Variants in THRAP3 observed in about 807,000 individuals in gnomAD.
THRAP3 encodes the protein thyroid hormone receptor associated protein 3.
Under a neutral mutation model 101.0 loss-of-function variants are expected in THRAP3, and 16 were observed. The observed-to-expected ratio is 0.16, with a 90% CI of 0.11 to 0.24. The LOEUF (loss-of-function observed/expected upper bound fraction) is 0.24, where lower values mean the gene tolerates loss of function less well. Ranked by LOEUF, THRAP3 falls within the 10% of genes least tolerant of loss-of-function variation. THRAP3 has a pLI of 1.00. For missense variants in THRAP3, 989 were observed against 1,202.7 expected (o/e 0.82, Z 2.63); for synonymous variants, 407 against 422.6 (o/e 0.96, Z 0.45).
chr1:36,267,563 G>T (rs986405975), intron 2 of THRAP3, among the ~76,000 whole-genome samples: 7 of 152,330 alleles, frequency 4.6e-5, no homozygotes, highest in Admixed American at 2.6e-4. Context: ...TACTAGTGTA[G>T]TGAGATCAGT....
At chr1:36,269,689 G>C (rs1353981122) in intron 2 of THRAP3, among the ~76,000 whole-genome samples, 1 of 151,942 alleles carries the variant, frequency 6.6e-6, no homozygotes, top group Non-Finnish European at 1.5e-5. Flanking sequence ...TCTTACCTCA[G>C]CCTCCCAAGT....
chr1:36,231,516 TAAC>T (rs1645027417), intron 1 of THRAP3, among the ~76,000 whole-genome samples: 1 of 152,242 alleles, frequency 6.6e-6, no homozygotes, highest in African/African-American at 2.4e-5. Context: ...TCCTGAGACA[TAAC>T]AACTAAGGTT....
rs1442011682 is a variant in THRAP3 at position 36,267,757 on chromosome 1, A to G, written c.-32+8273A>G. ...CTCCCTGCTGGATAGACGGGAGCCC[A>G]TATTCCCCGCACCCACTCACAGAAT... On this transcript the variant is annotated intron_variant, in intron 2 of 11. Transcript: ENST00000354618. Among the ~76,000 whole-genome samples, 12 of 35,044 alleles carry G rather than the reference A, an allele frequency of 3.4e-4. 4 individuals carry two copies. Among genetic ancestry groups the G allele is most frequent in the Admixed American group, 1.1e-3 (2 of 1,854 alleles). The allele number at this position is 35,044 out of a possible 152,430, so 23.0% of individuals were successfully genotyped here. A position where few individuals can be genotyped will look rare whatever the true frequency, so the allele number is the denominator to read the frequency against.
At chr1:36,282,920 A>C (rs1427708299) in intron 3 of THRAP3, among the ~76,000 whole-genome samples, 1 of 152,228 alleles carries the variant, frequency 6.6e-6, no homozygotes, top group African/African-American at 2.4e-5. Context: ...CTCTGCCAGC[A>C]CATAGTATTT....
Position 36,286,092 on chromosome 1 carries a change from A to T in THRAP3, c.138-276A>T, listed in dbSNP as rs1645792678. 6.6e-6 allele frequency among the ~76,000 whole-genome samples: 1 copy of T among 152,222 alleles called. No homozygotes were observed. The highest frequency in any genetic ancestry group is 2.4e-5 in the African/African-American group (1 of 41,450). On this transcript the variant is annotated intron_variant, in intron 3 of 11. Coordinates refer to ENST00000354618, the MANE Select transcript of THRAP3 (RefSeq NM_005119.4). This position sits in a 1 kb window ranked among gnomAD's most constrained non-coding sequence, Gnocchi z 5.5. ...TTTACTACCTTAAGAAAATGTTGAT[A>T]GTTTTTCAGTCACTGTAGAAGTACA...
intron 9 of THRAP3, among the ~76,000 whole-genome samples, chr1:36,299,720 G>A (rs1249787196): frequency 1.3e-5 from 2 of 152,016 alleles, no homozygotes; most frequent in Admixed American, 6.5e-5. Flanking sequence ...TGTTGGCCAG[G>A]CTGGTCTCGA....
At chr1:36,255,621 A>AG (rs2124472486) in intron 1 of THRAP3, among the ~76,000 whole-genome samples, 2 of 151,898 alleles carry the variant, frequency 1.3e-5, no homozygotes, top group African/African-American at 4.8e-5. Context: ...ATACAAAAAA[A>AG]AAATAGCTGG....
At chr1:36,224,120 T>A (rs1030211690), upstream of THRAP3, among the ~76,000 whole-genome samples, 1 of 152,108 alleles carries the variant, frequency 6.6e-6, no homozygotes, top group African/African-American at 2.4e-5. Context: ...GGGCTCAGAC[T>A]CTCCCTCCAG....
At chr1:36,229,129 G>T (rs1457423344) in intron 1 of THRAP3, among the ~76,000 whole-genome samples, 1 of 151,948 alleles carries the variant, frequency 6.6e-6, no homozygotes, top group African/African-American at 2.4e-5. Context: ...ATGGAGCCTC[G>T]CTCTGTTGCC....
intron 2 of THRAP3, among the ~76,000 whole-genome samples, chr1:36,265,449 A>G (rs1645501088): frequency 7.0e-6 from 1 of 142,908 alleles, no homozygotes; most frequent in Non-Finnish European, 1.5e-5. Flanking sequence ...TAGGTGTACA[A>G]GACAGGAAAC....
At chr1:36,289,026 C>T (rs755252579) in intron 4 of THRAP3, 34 bp from the exon 5 acceptor site, 4 of 1,525,106 alleles carry the variant, frequency 2.6e-6, no homozygotes, top group Admixed American at 4.5e-5. Flanking sequence ...GTTAAGAAGC[C>T]TCTTGTGTCT....
At chr1:36,260,737 G>T (rs1645434530) in intron 2 of THRAP3, among the ~76,000 whole-genome samples, 1 of 151,320 alleles carries the variant, frequency 6.6e-6, no homozygotes, top group African/African-American at 2.4e-5. Context: ...CAGGAGAATG[G>T]TGTGAACCCA....
intron 9 of THRAP3, among the ~76,000 whole-genome samples, chr1:36,298,626 C>CT (rs1195687540): frequency 6.6e-6 from 1 of 152,014 alleles, no homozygotes. Context: ...TCCAACTAGG[C>CT]TGAGCTAGGA....
intron 1 of THRAP3, among the ~76,000 whole-genome samples, chr1:36,235,987 A>G (rs1366692240): frequency 6.6e-6 from 1 of 151,870 alleles, no homozygotes; most frequent in African/African-American, 2.4e-5. Flanking sequence ...GGTTGCTCCC[A>G]CCTGTAATCC....
chr1:36,225,845 A>C (rs1463241868), intron 1 of THRAP3, among the ~76,000 whole-genome samples: 1 of 152,238 alleles, frequency 6.6e-6, no homozygotes, highest in Non-Finnish European at 1.5e-5. Context: ...GATAAGTTTT[A>C]CTGCAGCCAT....
chr1:36,239,505 A>T (rs1396322322), intron 1 of THRAP3, among the ~76,000 whole-genome samples: 1 of 151,900 alleles, frequency 6.6e-6, no homozygotes, highest in Non-Finnish European at 1.5e-5. Flanking sequence ...GTGCTCAAGT[A>T]ATCCTCTCAC....
At chr1:36,299,793 G>C (rs911426921) in intron 9 of THRAP3, among the ~76,000 whole-genome samples, 1 of 152,188 alleles carries the variant, frequency 6.6e-6, no homozygotes. Context: ...ACAGGAGAGA[G>C]CCACTACGCC....
At chr1:36,221,344 C>T (rs898781886), upstream of THRAP3, among the ~76,000 whole-genome samples, 1 of 151,628 alleles carries the variant, frequency 6.6e-6, no homozygotes, top group Admixed American at 6.6e-5. Context: ...CAGAGCACTG[C>T]ACGCTACAGA....
At chr1:36,256,731 C>T (rs1645380747) in intron 1 of THRAP3, among the ~76,000 whole-genome samples, 1 of 152,214 alleles carries the variant, frequency 6.6e-6, no homozygotes, top group Admixed American at 6.5e-5. Context: ...TTGCAAGGCC[C>T]TGTCCATTCA....
Sources: allele counts gnomAD v4.1 joint callset (sites outside exome capture counted in the v4.1 genomes callset), GRCh38; gene constraint gnomAD v4.1.1; non-coding constraint Gnocchi (gnomAD v3.1); transcripts MANE v1.5; gene names NCBI Gene and HGNC (gene_info 2026-07-23, HGNC 2026-07-21).